LTBP4: variants seen among roughly 807,000 people sequenced by gnomAD.
LTBP4 encodes the protein latent-transforming growth factor beta-binding protein 4.
A neutral mutation model predicts 180.2 loss-of-function variants in LTBP4; 93 were observed. That is an observed-to-expected ratio of 0.52 (90% CI 0.44 to 0.61). The LOEUF is 0.61. Ranked by LOEUF, LTBP4 falls within the 20% of genes least tolerant of loss-of-function variation. The pLI, the probability that LTBP4 is intolerant of heterozygous loss-of-function variation, is 0.00. For synonymous variants in LTBP4, 947 were observed against 934.5 expected (o/e 1.01, Z -0.24); for missense variants, 2,116 against 2,256.5 (o/e 0.94, Z 1.26).
intron 26 of LTBP4, among the ~76,000 whole-genome samples, chr19:40,624,519 G>T (rs543440757): frequency 1.3e-5 from 2 of 152,182 alleles, no homozygotes; most frequent in South Asian, 4.1e-4. Context: ...TCAGGCTCCC[G>T]AGTAGCTGGG....
Position 40,629,586 on chromosome 19 carries a change from C to A in LTBP4, c.*36C>A. The A allele has an allele frequency of 3.0e-6, 4 of 1,345,012 alleles. No individual in the cohort carries two copies. The highest frequency in any genetic ancestry group is 3.8e-6 in the Non-Finnish European group (4 of 1,050,624). 83.3% of individuals were successfully genotyped at this position (1,345,012 alleles called of 1,614,324 possible). A position where few individuals can be genotyped will look rare whatever the true frequency, so the allele number is the denominator to read the frequency against. Reference sequence around the variant, plus strand: ...CCGCTGGCCGCCCACCCGCGCCCGCCACTCGGGGCCCCTGCCGCGCATCCT... The same window carrying A: ...CCGCTGGCCGCCCACCCGCGCCCGCAACTCGGGGCCCCTGCCGCGCATCCT... On this transcript the variant is annotated 3_prime_UTR_variant, in exon 30 of 30. Coordinates refer to ENST00000396819, the MANE Select transcript of LTBP4 (RefSeq NM_001042545.2). This position sits in a 1 kb window ranked among gnomAD's most constrained non-coding sequence, Gnocchi z 4.5.
chr19:40,612,070 C>T lies in LTBP4; in HGVS notation c.2180-3C>T. The T allele has an allele frequency of 6.2e-7, 1 of 1,613,216 alleles. No homozygotes were observed. Among genetic ancestry groups the T allele is most frequent in the Non-Finnish European group, 8.5e-7 (1 of 1,179,618 alleles). ...CAAGGCCACCCTCTCCCCTGCCCCCCAGATGTGGATGAGTGTGAGAACCAC... is the reference window on the plus strand; with the variant it reads ...CAAGGCCACCCTCTCCCCTGCCCCCTAGATGTGGATGAGTGTGAGAACCAC... On this transcript the variant is annotated splice_polypyrimidine_tract_variant and splice_region_variant and intron_variant, in intron 14 of 29. Transcript: ENST00000396819.
At chr19:40,608,080 A>T in intron 7 of LTBP4, 140 bp from the exon 8 acceptor site, 1 of 856,126 alleles carries the variant, frequency 1.2e-6, no homozygotes, top group East Asian at 2.6e-5. Context: ...TGGCCAGGAC[A>T]CCACCCCATC....
intron 18 of LTBP4, 119 bp downstream of exon 18, chr19:40,614,157 C>T (rs947302078): frequency 1.4e-6 from 2 of 1,478,808 alleles, no homozygotes; most frequent in Non-Finnish European, 1.8e-6. Flanking sequence ...TTTCCCCCGC[C>T]TCCTCTCCTA....
rs943580006 is a variant in LTBP4 at position 40,611,059 on chromosome 19, C to T, written c.1811-93C>T. On this transcript the variant is annotated intron_variant, in intron 12 of 29. Coordinates refer to ENST00000396819, the MANE Select transcript of LTBP4 (RefSeq NM_001042545.2). This position sits in a 1 kb window ranked among gnomAD's most constrained non-coding sequence, Gnocchi z 4.4. ...ACAAGGAGGAATAGAGATGGGGTCA[C>T]GGGGACAGAATGTTGGAGGGTGGAA... 1.6e-5 allele frequency: 24 copies of T among 1,533,998 alleles called. No individual in the cohort carries two copies. The highest frequency in any genetic ancestry group is 1.1e-4 in the South Asian group (9 of 84,628).
chr19:40,595,905 A>ATTTTTTTTTTT lies in LTBP4; in HGVS notation c.16+2747_16+2757dup, dbSNP rs60121587. On this transcript the variant is annotated intron_variant, in intron 1 of 32. Transcript: ENST00000204005. The stretch of plus-strand genomic sequence containing the variant: ...GCCACCATACCCGGCTAATTTTTGG[A>ATTTTTTTTTTT]TTTTTTTTTTTTTTTTTTTTTTTTT... Among the ~76,000 whole-genome samples, 6 of 60,060 alleles carry ATTTTTTTTTTT rather than the reference A, an allele frequency of 1.0e-4. 1 individual carries two copies. Among genetic ancestry groups the ATTTTTTTTTTT allele is most frequent in the Admixed American group, 2.7e-4 (1 of 3,650 alleles). 39.4% of individuals were successfully genotyped at this position (60,060 alleles called of 152,430 possible).
At chr19:40,608,901 TCA>T in intron 9 of LTBP4, 11 of 38,228 alleles carry the variant, frequency 2.9e-4, no homozygotes, top group Admixed American at 4.8e-4. Flanking sequence ...ACACTCCATC[TCA>T]AAAAAAAAAA....
At position 40,613,731 on chromosome 19, in the gene LTBP4, C is replaced by A; in HGVS notation, c.2558-185C>A. The A allele has an allele frequency of 8.2e-7, 1 of 1,218,304 alleles. No individual in the cohort carries two copies. Among genetic ancestry groups the A allele is most frequent in the Admixed American group, 2.0e-5 (1 of 49,934 alleles). 75.5% of individuals were successfully genotyped at this position (1,218,304 alleles called of 1,614,324 possible). A position where few individuals can be genotyped will look rare whatever the true frequency, so the allele number is the denominator to read the frequency against. The stretch of plus-strand genomic sequence containing the variant: ...AAAGGGCCGAGTCTGGGTATTTGGA[C>A]CGTGATTGTAAAGAAGCTGTTCTAA... On this transcript the variant is annotated intron_variant, in intron 17 of 29. Transcript: ENST00000396819. This position sits in a 1 kb window ranked among gnomAD's most constrained non-coding sequence, Gnocchi z 5.0.
rs1568414647 is a variant in LTBP4 at position 40,625,316 on chromosome 19, A to ATATATATATATATATATT, written c.3833-540_3833-539insATATATATATATATATTT. On this transcript the variant is annotated intron_variant, in intron 26 of 29. Coordinates refer to ENST00000396819, the MANE Select transcript of LTBP4 (RefSeq NM_001042545.2). Reference sequence around the variant, plus strand: ...TATATATATATATATATATATATATATTTTTTTTTTTAAAGATGGGTTTTT... The same window carrying ATATATATATATATATATT: ...TATATATATATATATATATATATATATATATATATATATATATTTTTTTTTTTTTAAAGATGGGTTTTT... 2.7e-4 allele frequency among the ~76,000 whole-genome samples: 6 copies of ATATATATATATATATATT among 21,934 alleles called. 1 individual carries two copies. Among genetic ancestry groups the ATATATATATATATATATT allele is most frequent in the Non-Finnish European group, 4.7e-4 (6 of 12,654 alleles). 14.4% of individuals were successfully genotyped at this position (21,934 alleles called of 152,430 possible).
chr19:40,616,752 C>A, intron 19 of LTBP4, 137 bp from the exon 20 acceptor site: 2 of 1,071,368 alleles, frequency 1.9e-6, no homozygotes, highest in Non-Finnish European at 2.7e-6. Flanking sequence ...AAGTTTTCAA[C>A]ATTGTTGATC....
intron 8 of LTBP4, 36 bp from the exon 9 acceptor site, chr19:40,608,448 T>C (rs1004375312): frequency 6.3e-7 from 1 of 1,593,268 alleles, no homozygotes; most frequent in Admixed American, 1.8e-5. Context: ...CAAGAGAGGA[T>C]TTGGGCTCCA....
rs1418284727 is a variant in LTBP4 at position 40,609,766 on chromosome 19, G to A, written c.1579G>A (p.Val527Met). 3 of 1,611,962 alleles carry A rather than the reference G, an allele frequency of 1.9e-6. No individual in the cohort carries two copies. The East Asian group carries it at 6.7e-5, about 36-fold the overall frequency. ...RCIDVDECRR[V>M]PPPCAPGRCE... ...CTCAGATGTGGACGAATGTCGCCGC[G>A]TGCCCCCGCCCTGTGCTCCCGGGCG... The change falls in exon 11 of 30, where the codon GTG becomes ATG. Residue 527 changes from valine to methionine, a missense_variant. Coordinates refer to ENST00000396819, the MANE Select transcript of LTBP4 (RefSeq NM_001042545.2). This position sits in a 1 kb window ranked among gnomAD's most constrained non-coding sequence, Gnocchi z 4.9.
Position 40,617,220 on chromosome 19 carries a change from G to A in LTBP4, c.3065G>A (p.Cys1022Tyr). The change falls in exon 21 of 30, where the codon TGC (cysteine) becomes TAC (tyrosine). Residue 1022 changes from cysteine (C) to tyrosine (Y), a missense_variant. By Grantham distance (194) the Cys-to-Tyr change is radical. Coordinates refer to ENST00000396819, the MANE Select transcript of LTBP4 (RefSeq NM_001042545.2). ...GAGGGGGCACGGGATGGGCGTCACT[G>A]CGTGGGTACGGGACTTCAGGAGGTG... ...GYEGARDGRH[C>Y]VDVNECETLQ... is the part of the protein sequence containing the mutation. 1 of 1,613,528 alleles carries A rather than the reference G, an allele frequency of 6.2e-7. No homozygotes were observed. The highest frequency in any genetic ancestry group is 8.5e-7 in the Non-Finnish European group (1 of 1,179,666).
In LTBP4 at chr19:40,613,117, C is replaced by T. The variant is rs755342801; in HGVS notation, c.2352C>T (p.Cys784=). ...GAPPCGPHGH[C]TNTEGSFRCS... ...CTCCCTGTGGTCCCCACGGCCACTG[C>T]ACTAACACCGAAGGCTCCTTCCGCT... The change falls in exon 16 of 30, where the codon TGC becomes TGT. Residue 784 remains cysteine (C), a synonymous_variant. Transcript: ENST00000396819. The surrounding 1 kb of genome is among the most constrained non-coding windows in gnomAD (Gnocchi z 5.0). 6 of 1,607,008 alleles carry T rather than the reference C, an allele frequency of 3.7e-6. No individual in the cohort carries two copies. Among genetic ancestry groups the T allele is most frequent in the Middle Eastern group, 3.3e-4 (2 of 6,074 alleles).
chr19:40,612,396 G>C (rs2081514450), intron 15 of LTBP4, among the ~76,000 whole-genome samples: 1 of 152,098 alleles, frequency 6.6e-6, no homozygotes, highest in African/African-American at 2.4e-5. Flanking sequence ...AGTAACATTT[G>C]ACCCTAACCA....
rs2081619583 is a variant in LTBP4, at chr19:40,625,279, TATATATATATATATATATATA to T, written c.3833-577_3833-557del. ...ATATATATATATATATATATATATA[TATATATATATATATATATATA>T]TATATATATATATATATTTTTTTTT... On this transcript the variant is annotated intron_variant, in intron 26 of 29. Coordinates refer to ENST00000396819, the MANE Select transcript of LTBP4 (RefSeq NM_001042545.2). Among the ~76,000 whole-genome samples the T allele has an allele frequency of 1.9e-3, 18 of 9,646 alleles. 1 individual carries two copies. The highest frequency in any genetic ancestry group is 0.01 in the African/African-American group (14 of 1,396). 6.3% of individuals were successfully genotyped at this position (9,646 alleles called of 152,430 possible).
intron 15 of LTBP4, 68 bp from the exon 16 acceptor site, chr19:40,612,997 T>C: frequency 2.9e-6 from 4 of 1,397,736 alleles, no homozygotes; most frequent in Non-Finnish European, 2.0e-6. Flanking sequence ...CCAGACACCC[T>C]ACTCCAAGGG....
intron 29 of LTBP4, 118 bp downstream of exon 29, chr19:40,627,975 G>A: frequency 7.4e-7 from 1 of 1,344,244 alleles, no homozygotes; most frequent in Non-Finnish European, 9.9e-7. Flanking sequence ...TACAGGGGAC[G>A]GGCCAGCGCA....
chr19:40,604,770 G>C (rs2081446663), intron 1 of LTBP4, among the ~76,000 whole-genome samples: 1 of 152,186 alleles, frequency 6.6e-6, no homozygotes, highest in African/African-American at 2.4e-5. Flanking sequence ...TTCAGCTTAG[G>C]AGGTCGAGGC....
Sources: allele counts gnomAD v4.1 joint callset (sites outside exome capture counted in the v4.1 genomes callset), GRCh38; gene constraint gnomAD v4.1.1; non-coding constraint Gnocchi (gnomAD v3.1); transcripts MANE v1.5; gene names NCBI Gene and HGNC (gene_info 2026-07-23, HGNC 2026-07-21).